Variants in MGAT4C observed in about 807,000 individuals in gnomAD.
MGAT4C encodes alpha-1,3-mannosyl-glycoprotein 4-beta-N-acetylglucosaminyltransferase C.
A neutral mutation model predicts 40.1 loss-of-function variants in MGAT4C; 19 were observed. The ratio of observed to expected loss-of-function variants is 0.47; its 90% CI spans 0.33 to 0.70. The LOEUF (loss-of-function observed/expected upper bound fraction) is 0.70, where lower values mean the gene tolerates loss of function less well. MGAT4C is among the 30% of genes least tolerant of loss of function. The pLI, the probability that MGAT4C is intolerant of heterozygous loss-of-function variation, is 0.02. For synonymous variants in MGAT4C, 181 were observed against 187.1 expected, an observed-to-expected ratio of 0.97 and a Z score of 0.27; for missense variants, 491 against 563.2, an observed-to-expected ratio of 0.87 and a Z score of 1.30.
chr12:86,381,700 T>A (rs1285821919), intron 3 of MGAT4C, among the ~76,000 whole-genome samples: 1 of 152,178 alleles, frequency 6.6e-6, no homozygotes, highest in African/African-American at 2.4e-5. Flanking sequence ...ATAAATCCAT[T>A]CCTTATCAAT....
chr12:86,384,145 G>A (rs769905658), intron 3 of MGAT4C, among the ~76,000 whole-genome samples: 8 of 152,146 alleles, frequency 5.3e-5, no homozygotes, highest in Non-Finnish European at 8.8e-5. Context: ...TCCCAGCCAC[G>A]TGGAACTGTA....
chr12:86,696,379 TG>T (rs1950259162), intron 2 of MGAT4C, among the ~76,000 whole-genome samples: 1 of 152,074 alleles, frequency 6.6e-6, no homozygotes. Context: ...TAAAAAAAAG[TG>T]GTTAGTCAAA....
chr12:86,355,147 C>A (rs917278562), intron 3 of MGAT4C, among the ~76,000 whole-genome samples: 15 of 152,092 alleles, frequency 9.9e-5, no homozygotes, highest in Admixed American at 9.8e-4. Flanking sequence ...AGCCACAGAG[C>A]ACTGATTGGT....
chr12:86,318,678 G>A (rs916495667), intron 4 of MGAT4C, among the ~76,000 whole-genome samples: 3 of 151,904 alleles, frequency 2.0e-5, no homozygotes, highest in African/African-American at 7.3e-5. Context: ...GTATGATGTT[G>A]TTTTAATTAT....
chr12:85,997,407 C>G (rs1349532586), intron 2 of MGAT4C, among the ~76,000 whole-genome samples: 1 of 152,128 alleles, frequency 6.6e-6, no homozygotes, highest in Non-Finnish European at 1.5e-5. Flanking sequence ...AACAATCTCG[C>G]CTTCCCAACA....
intron 1 of MGAT4C, among the ~76,000 whole-genome samples, chr12:86,154,905 A>G (rs1253548122): frequency 6.6e-6 from 1 of 152,184 alleles, no homozygotes; most frequent in Non-Finnish European, 1.5e-5. Context: ...ATGTCCATGG[A>G]GCTCATATTA....
chr12:86,029,101 G>A (rs1890503236), intron 2 of MGAT4C, among the ~76,000 whole-genome samples: 1 of 151,862 alleles, frequency 6.6e-6, no homozygotes, highest in Admixed American at 6.6e-5. Flanking sequence ...GTTATAAGCA[G>A]TAAAGCCTGA....
chr12:86,693,991 A>G (rs555712982), intron 2 of MGAT4C, among the ~76,000 whole-genome samples: 1 of 152,186 alleles, frequency 6.6e-6, no homozygotes, highest in Admixed American at 6.5e-5. Context: ...AACTTTAAAA[A>G]TACATGTTTT....
At chr12:86,331,892 A>C (rs2136173995) in intron 4 of MGAT4C, among the ~76,000 whole-genome samples, 1 of 152,320 alleles carries the variant, frequency 6.6e-6, no homozygotes, top group South Asian at 2.1e-4. Flanking sequence ...ATTTATAAAA[A>C]CATAAAAAAC....
At chr12:86,510,309 C>T (rs1019880682) in intron 2 of MGAT4C, among the ~76,000 whole-genome samples, 2 of 152,060 alleles carry the variant, frequency 1.3e-5, no homozygotes, top group Non-Finnish European at 2.9e-5. Context: ...TTGTCACCAA[C>T]AGGCCTGCTC....
chr12:86,015,840 C>A (rs73392057), intron 2 of MGAT4C: 1 of 152,130 alleles, frequency 6.6e-6, no homozygotes, highest in Non-Finnish European at 1.5e-5. Flanking sequence ...ACTTTTATTT[C>A]TTTGAGGTTC....
At position 85,978,089 on chromosome 12, in the gene MGAT4C, T is replaced by C. The variant is rs1331265462; in HGVS notation, c.*1200A>G. The C allele has an allele frequency of 6.6e-6, 1 of 151,532 alleles. No homozygotes were observed. Among genetic ancestry groups the C allele is most frequent in the Admixed American group, 6.6e-5 (1 of 15,172 alleles). The allele number at this position is 151,532 out of a possible 1,614,324, so 9.4% of individuals were successfully genotyped here. On this transcript the variant is annotated 3_prime_UTR_variant, in exon 5 of 5. Transcript: ENST00000611864. ...TAGTCAAGTTTGCTTACTATTTGGGTGCTTATACCAAAAAAGCATCATTTA... is the reference window on the plus strand; with the variant it reads ...TAGTCAAGTTTGCTTACTATTTGGGCGCTTATACCAAAAAAGCATCATTTA...
At chr12:86,006,120 T>G (rs866248925) in intron 2 of MGAT4C, among the ~76,000 whole-genome samples, 1 of 152,288 alleles carries the variant, frequency 6.6e-6, no homozygotes, top group Admixed American at 6.5e-5. Context: ...TAACAGATTA[T>G]GTATGGACAG....
intron 3 of MGAT4C, among the ~76,000 whole-genome samples, chr12:86,420,011 T>C (rs994890627): frequency 3.6e-4 from 2 of 5,512 alleles, no homozygotes; most frequent in African/African-American, 7.0e-4. Flanking sequence ...AAGACCATAA[T>C]TTTTTTTTTA....
intron 2 of MGAT4C, among the ~76,000 whole-genome samples, chr12:86,502,152 G>T (rs931410751): frequency 4.6e-5 from 7 of 152,032 alleles, no homozygotes; most frequent in African/African-American, 1.7e-4. Flanking sequence ...TATTGGGAAG[G>T]AATTATTATT....
intron 1 of MGAT4C, among the ~76,000 whole-genome samples, chr12:86,151,744 A>G (rs568038290): frequency 6.6e-6 from 1 of 152,384 alleles, no homozygotes; most frequent in East Asian, 1.9e-4. Flanking sequence ...CTAACTGAAC[A>G]ATTTCAGTAA....
intron 4 of MGAT4C, among the ~76,000 whole-genome samples, chr12:86,263,746 T>A (rs1292916974): frequency 2.0e-5 from 3 of 152,186 alleles, no homozygotes; most frequent in Non-Finnish European, 4.4e-5. Flanking sequence ...TCAAGAAATC[T>A]CCATACTGTT....
chr12:86,617,725 T>C (rs548230547), intron 2 of MGAT4C, among the ~76,000 whole-genome samples: 59 of 147,332 alleles, frequency 4.0e-4, no homozygotes, highest in Admixed American at 2.2e-3. Context: ...ACTAAAACAA[T>C]AAAATATTAG....
chr12:86,162,858 C>T (rs1022345265), intron 1 of MGAT4C, among the ~76,000 whole-genome samples: 2 of 152,108 alleles, frequency 1.3e-5, no homozygotes, highest in Admixed American at 1.3e-4. Context: ...TCTCCTATCA[C>T]CAATACTTTG....
Sources: allele counts gnomAD v4.1 joint callset (sites outside exome capture counted in the v4.1 genomes callset), GRCh38; gene constraint gnomAD v4.1.1; transcripts MANE v1.5; gene names NCBI Gene and HGNC (gene_info 2026-07-23, HGNC 2026-07-21).